The following CARNMT1 variants were observed in gnomAD, a reference collection of about 807,000 sequenced individuals.
CARNMT1 encodes the protein protein-L-histidine N-pros-methyltransferase CARNMT1.
A neutral mutation model predicts 49.6 loss-of-function variants in CARNMT1; 28 were observed. The observed-to-expected ratio is 0.56, with a 90% CI of 0.42 to 0.77. The LOEUF is 0.77. CARNMT1 is among the 30% of genes least tolerant of loss of function. CARNMT1 has a pLI of 0.00. For synonymous variants in CARNMT1, 178 were observed against 175.0 expected, an observed-to-expected ratio of 1.02 and a Z score of -0.13; for missense variants, 421 against 512.6, an observed-to-expected ratio of 0.82 and a Z score of 1.73.
intron 3 of CARNMT1, among the ~76,000 whole-genome samples, chr9:75,015,291 C>G (rs567545868): frequency 1.3e-5 from 2 of 152,224 alleles, no homozygotes; most frequent in South Asian, 2.1e-4. Flanking sequence ...TTCACATTAG[C>G]TGAAGTTCTC....
In CARNMT1 at chr9:74,981,827, A is replaced by G. The variant is rs1363892503; in HGVS notation, c.*1940T>C. 6.6e-6 allele frequency: 1 copy of G among 152,100 alleles called. No homozygotes were observed. The allele number at this position is 152,100 out of a possible 1,614,324, so 9.4% of individuals were successfully genotyped here. On this transcript the variant is annotated 3_prime_UTR_variant, in exon 8 of 8. Transcript: ENST00000376834. ...AAGCATGTCTAAGCCATTGAAAAAC[A>G]GCATGCATTCCTTTCTGTTCGATTG...
At chr9:75,026,593 G>A (rs1822536052) in intron 1 of CARNMT1, among the ~76,000 whole-genome samples, 1 of 152,132 alleles carries the variant, frequency 6.6e-6, no homozygotes, top group Admixed American at 6.6e-5. Context: ...TACTAAACCT[G>A]GAGAAATAAA....
intron 3 of CARNMT1, among the ~76,000 whole-genome samples, chr9:75,007,920 C>G (rs1833565548): frequency 6.6e-6 from 1 of 151,720 alleles, no homozygotes; most frequent in African/African-American, 2.4e-5. Flanking sequence ...ATAATGTGAT[C>G]CACAAAGTAT....
chr9:74,996,512 T>C lies in CARNMT1; in HGVS notation c.959A>G (p.Asn320Ser). The C allele has an allele frequency of 6.2e-7, 1 of 1,608,586 alleles. No individual in the cohort carries two copies. The highest frequency in any genetic ancestry group is 2.2e-5 in the East Asian group (1 of 44,712). ...TATTGTATCAATATAATCAATTACATTGTGAGCTGTGTCTATGAAGAAACA... is the reference window on the plus strand; with the variant it reads ...TATTGTATCAATATAATCAATTACACTGTGAGCTGTGTCTATGAAGAAACA... Reference protein sequence around the residue: ...ATCFFIDTAHNVIDYIDTIWK... With the variant: ...ATCFFIDTAHSVIDYIDTIWK... The change falls in exon 6 of 8, where the codon AAT becomes AGT. Residue 320 changes from asparagine to serine, a missense_variant. Asn to Ser is a conservative substitution (Grantham distance 46, BLOSUM62 1). Coordinates refer to ENST00000376834, the MANE Select transcript of CARNMT1 (RefSeq NM_152420.3).
chr9:74,988,680 C>T (rs529133582), intron 6 of CARNMT1, among the ~76,000 whole-genome samples: 15 of 152,278 alleles, frequency 9.9e-5, no homozygotes, highest in Admixed American at 5.2e-4. Context: ...TGTAACAGGA[C>T]AGATGGCAAA....
At chr9:74,989,627 G>C (rs1246760392) in intron 6 of CARNMT1, among the ~76,000 whole-genome samples, 2 of 152,106 alleles carry the variant, frequency 1.3e-5, no homozygotes, top group Non-Finnish European at 2.9e-5. Flanking sequence ...TGGATCATAG[G>C]GGTGGCTCCC....
At chr9:75,016,534 T>C in intron 2 of CARNMT1, 103 bp from the exon 3 acceptor site, 1 of 1,057,070 alleles carries the variant, frequency 9.5e-7, no homozygotes, top group South Asian at 1.6e-5. Context: ...GTTTAGTGGA[T>C]AAATCACTAG....
intron 3 of CARNMT1, among the ~76,000 whole-genome samples, chr9:75,006,165 C>A (rs1296507956): frequency 6.6e-6 from 1 of 152,078 alleles, no homozygotes; most frequent in Non-Finnish European, 1.5e-5. Flanking sequence ...GATTCTCCTG[C>A]CTTGGCCTCC....
At chr9:75,014,556 C>A (rs10869471) in intron 3 of CARNMT1, among the ~76,000 whole-genome samples, 67,883 of 151,844 alleles carry the variant, frequency 0.45, 15,419 homozygotes, top group South Asian at 0.5. Context: ...GGAGGGAAGA[C>A]GGAAGAGGAA....
rs77672656 is a variant in CARNMT1 at position 74,987,128 on chromosome 9, T to A, written c.1025-2118A>T. The stretch of plus-strand genomic sequence containing the variant: ...ATGCCAAAAATGCTTTCCCAAAGAG[T>A]TATAAGTTTTCACTCACAATTGCAA... On this transcript the variant is annotated intron_variant, in intron 6 of 7. Transcript: ENST00000376834. Among the ~76,000 whole-genome samples, 1,330 of 152,174 alleles carry A rather than the reference T, an allele frequency of 8.7e-3. 21 individuals carry two copies. Among genetic ancestry groups the A allele is most frequent in the African/African-American group, 0.029 (1,217 of 41,488 alleles).
chr9:75,027,574 C>G, intron 1 of CARNMT1: 1 of 570,838 alleles, frequency 1.8e-6, no homozygotes, highest in Non-Finnish European at 2.2e-6. Flanking sequence ...CGTCCTACAG[C>G]ATCCCACGCG....
chr9:75,020,272 T>C (rs1182246267), intron 1 of CARNMT1, among the ~76,000 whole-genome samples: 2 of 147,592 alleles, frequency 1.4e-5, no homozygotes, highest in Non-Finnish European at 3.0e-5. Context: ...TTCTTCTTTT[T>C]TTTTTTTTTT....
chr9:75,013,509 C>T (rs1295205201), intron 3 of CARNMT1, among the ~76,000 whole-genome samples: 1 of 151,342 alleles, frequency 6.6e-6, no homozygotes, highest in Non-Finnish European at 1.5e-5. Context: ...AATAACCTAA[C>T]GTAGGAGAAA....
At chr9:75,023,011 A>G (rs779681849) in intron 1 of CARNMT1, among the ~76,000 whole-genome samples, 4 of 151,884 alleles carry the variant, frequency 2.6e-5, no homozygotes, top group Non-Finnish European at 5.9e-5. Flanking sequence ...GCATGGTGGC[A>G]TGCGCCTGTA....
intron 2 of CARNMT1, 39 bp downstream of exon 2, chr9:75,017,214 A>T (rs1372813783): frequency 1.3e-6 from 2 of 1,496,820 alleles, no homozygotes; most frequent in South Asian, 2.3e-5. Flanking sequence ...ACAGAGGTTG[A>T]CCCTAAAATA....
In CARNMT1 at chr9:75,017,355, GTGAAGAAGAAAC is replaced by G; in HGVS notation, c.312_323del (p.Gln104_Leu107del). ...CAATGCATTTCCGGATCTTGTCCAA[GTGAAGAAGAAAC>G]TGAGGAAGTAGTTTCTGTTGGTTAG... On this transcript the variant is annotated inframe_deletion, in exon 2 of 8. Transcript: ENST00000376834. 1 of 1,614,032 alleles carries G rather than the reference GTGAAGAAGAAAC, an allele frequency of 6.2e-7. No individual in the cohort carries two copies. Among genetic ancestry groups the G allele is most frequent in the Non-Finnish European group, 8.5e-7 (1 of 1,179,914 alleles).
At chr9:75,025,682 AAT>A (rs1238932755) in intron 1 of CARNMT1, among the ~76,000 whole-genome samples, 2 of 152,206 alleles carry the variant, frequency 1.3e-5, no homozygotes, top group Non-Finnish European at 2.9e-5. Context: ...ACAATTTTCC[AAT>A]ATGTTTATTT....
intron 3 of CARNMT1, among the ~76,000 whole-genome samples, chr9:75,002,655 G>T (rs1415597230): frequency 6.6e-6 from 1 of 152,170 alleles, no homozygotes; most frequent in Non-Finnish European, 1.5e-5. Flanking sequence ...CTCTGCAGAG[G>T]CAGTCAAAAA....
At chr9:74,988,055 G>C (rs1049265251) in intron 6 of CARNMT1, among the ~76,000 whole-genome samples, 3 of 151,858 alleles carry the variant, frequency 2.0e-5, no homozygotes, top group African/African-American at 7.2e-5. Context: ...ATGTCTCTTC[G>C]TTCTTTTTTT....
Sources: gnomAD v4.1 joint callset for allele counts (sites outside exome capture counted in the v4.1 genomes callset) on GRCh38, gnomAD v4.1.1 for gene constraint, MANE v1.5 for transcripts, NCBI Gene and HGNC (gene_info 2026-07-23, HGNC 2026-07-21) for gene names.